FHIT: variants seen among roughly 807,000 people sequenced by gnomAD.
The protein encoded by FHIT is fragile histidine triad diadenosine triphosphatase.
FHIT carries 19 observed loss-of-function variants against 17.9 expected under a neutral mutation model. The ratio of observed to expected loss-of-function variants is 1.06; its 90% CI spans 0.74 to 1.56. The LOEUF is 1.56. FHIT is among the 40% of genes most tolerant of loss of function. FHIT has a pLI of 0.00. For synonymous variants in FHIT, 81 were observed against 69.7 expected (o/e 1.16, Z -0.81); for missense variants, 248 against 189.2 (o/e 1.31, Z -1.82).
intron 4 of FHIT, among the ~76,000 whole-genome samples, chr3:60,796,014 G>A (rs1299312591): frequency 1.3e-5 from 2 of 152,256 alleles, no homozygotes. Flanking sequence ...GAGGTGAAAG[G>A]CACTTCTTAC....
chr3:60,752,333 T>C (rs2042483508), intron 4 of FHIT, among the ~76,000 whole-genome samples: 3 of 152,174 alleles, frequency 2.0e-5, no homozygotes, highest in Admixed American at 2.0e-4. Context: ...ATTTTTTATT[T>C]CCCAACAGAT....
chr3:60,276,257 A>C (rs148632135), intron 5 of FHIT, among the ~76,000 whole-genome samples: 40 of 152,242 alleles, frequency 2.6e-4, no homozygotes, highest in African/African-American at 9.1e-4. Context: ...AAGTACTGGG[A>C]TTACAGGCAT....
intron 3 of FHIT, among the ~76,000 whole-genome samples, chr3:60,916,412 A>G (rs1280387977): frequency 6.6e-6 from 1 of 152,218 alleles, no homozygotes; most frequent in African/African-American, 2.4e-5. Flanking sequence ...AGGAATTCCA[A>G]AACAACCAAA....
intron 4 of FHIT, among the ~76,000 whole-genome samples, chr3:60,608,673 A>G (rs1026953982): frequency 6.6e-6 from 1 of 152,164 alleles, no homozygotes; most frequent in Admixed American, 6.6e-5. Context: ...CCTTCATCCC[A>G]ATGCCACAAT....
intron 5 of FHIT, among the ~76,000 whole-genome samples, chr3:60,384,623 G>C (rs957943489): frequency 6.6e-6 from 1 of 152,072 alleles, no homozygotes; most frequent in East Asian, 1.9e-4. Context: ...AAACGTGCAA[G>C]GATAAGGCAG....
chr3:60,450,197 G>GCTTAA (rs201399219), intron 5 of FHIT, among the ~76,000 whole-genome samples: 7,600 of 151,736 alleles, frequency 0.05, 639 homozygotes, highest in African/African-American at 0.17. Flanking sequence ...GTACCCTTAA[G>GCTTAA]GTTACACTAA....
chr3:60,202,202 T>C (rs893617883), intron 5 of FHIT, among the ~76,000 whole-genome samples: 1 of 152,220 alleles, frequency 6.6e-6, no homozygotes, highest in Non-Finnish European at 1.5e-5. Context: ...CTTTAAAGCA[T>C]ATCACTTCAC....
At chr3:60,820,886 C>A (rs1701901225) in intron 4 of FHIT, among the ~76,000 whole-genome samples, 1 of 151,948 alleles carries the variant, frequency 6.6e-6, no homozygotes. Flanking sequence ...AATATGAGTC[C>A]TAAGGAGGGG....
chr3:60,292,819 G>C (rs561411249), intron 5 of FHIT, among the ~76,000 whole-genome samples: 1 of 151,862 alleles, frequency 6.6e-6, no homozygotes, highest in Admixed American at 6.6e-5. Context: ...AAATGAAATT[G>C]AAATGTGTAT....
At chr3:60,743,828 C>T (rs1577148971) in intron 4 of FHIT, among the ~76,000 whole-genome samples, 1 of 152,188 alleles carries the variant, frequency 6.6e-6, no homozygotes, top group African/African-American at 2.4e-5. Flanking sequence ...GGAGACTCAG[C>T]GCTGGTTCTC....
At chr3:61,225,593 T>TATATATATATATATATATA (rs1460497127) in intron 1 of FHIT, among the ~76,000 whole-genome samples, 2 of 152,250 alleles carry the variant, frequency 1.3e-5, no homozygotes, top group Non-Finnish European at 2.9e-5. Context: ...CGTTATATAC[T>TATATATATATATATATATA]TTCTGCGGTT....
intron 3 of FHIT, among the ~76,000 whole-genome samples, chr3:60,872,763 A>G (rs1704465958): frequency 6.6e-6 from 1 of 152,134 alleles, no homozygotes; most frequent in Non-Finnish European, 1.5e-5. Context: ...CCCAAGTAAT[A>G]CATCTCAGGA....
intron 7 of FHIT, among the ~76,000 whole-genome samples, chr3:59,974,742 G>T (rs1223473285): frequency 6.6e-6 from 1 of 152,072 alleles, no homozygotes. Flanking sequence ...AGCTGAAAGT[G>T]CCTTTAGGTG....
At chr3:60,973,404 T>G (rs1710106851) in intron 3 of FHIT, among the ~76,000 whole-genome samples, 1 of 152,140 alleles carries the variant, frequency 6.6e-6, no homozygotes, top group Admixed American at 6.6e-5. Flanking sequence ...TCAGATATTT[T>G]CAGCTTTATA....
chr3:59,918,706 TGCATGCACCATTAGCCAGTGAA>T, intron 8 of FHIT, among the ~76,000 whole-genome samples: 1 of 152,200 alleles, frequency 6.6e-6, no homozygotes. Flanking sequence ...TCAGGAGCTA[TGCATGCACCATTAGCCAGTGAA>T]GCAAGCCTAG....
chr3:60,403,342 A>G (rs144120269), intron 5 of FHIT, among the ~76,000 whole-genome samples: 15 of 152,216 alleles, frequency 9.9e-5, no homozygotes, highest in African/African-American at 3.4e-4. Flanking sequence ...GCAGTGCTTA[A>G]CCTCCTTTTC....
At chr3:60,096,301 A>G (rs2107118859) in intron 5 of FHIT, among the ~76,000 whole-genome samples, 1 of 152,298 alleles carries the variant, frequency 6.6e-6, no homozygotes, top group South Asian at 2.1e-4. Flanking sequence ...CCCTATCTGA[A>G]GGCAGGAAAG....
At chr3:60,392,022 A>G (rs1002624811) in intron 5 of FHIT, among the ~76,000 whole-genome samples, 1 of 152,014 alleles carries the variant, frequency 6.6e-6, no homozygotes, top group Non-Finnish European at 1.5e-5. Context: ...CAATACAGAG[A>G]TTACTTAATA....
chr3:59,946,026 T>C (rs1295850167), intron 7 of FHIT, among the ~76,000 whole-genome samples: 2 of 152,230 alleles, frequency 1.3e-5, no homozygotes. Context: ...TTAGATTCCA[T>C]ATGAATTTTA....
Sources: gnomAD v4.1 joint callset for allele counts (sites outside exome capture counted in the v4.1 genomes callset) on GRCh38, gnomAD v4.1.1 for gene constraint, MANE v1.5 for transcripts, NCBI Gene and HGNC (gene_info 2026-07-23, HGNC 2026-07-21) for gene names.